Variants in CNTN5 observed in about 807,000 individuals in gnomAD.
The protein encoded by CNTN5 is contactin-5.
A neutral mutation model predicts 129.1 loss-of-function variants in CNTN5; 77 were observed. The ratio of observed to expected loss-of-function variants is 0.60; its 90% CI spans 0.50 to 0.72. The LOEUF (loss-of-function observed/expected upper bound fraction) is 0.72, where lower values mean the gene tolerates loss of function less well. Among genes scored for constraint, CNTN5 ranks in the 30% least tolerant of loss-of-function variants. CNTN5 has a pLI of 0.00. For synonymous variants in CNTN5, 509 were observed against 465.6 expected, an observed-to-expected ratio of 1.09 and a Z score of -1.20; for missense variants, 1,478 against 1,328.8, an observed-to-expected ratio of 1.11 and a Z score of -1.75.
At position 99,582,773 on chromosome 11, in the gene CNTN5, C is replaced by T. The variant is rs532083900; in HGVS notation, c.55+26504C>T. ...ACTTCTTTGCCATTGGTTCAGACTT[C>T]CTCCTTTAGCTCAGAGTAGTTTGAT... On this transcript the variant is annotated intron_variant, in intron 3 of 24. Coordinates refer to ENST00000524871, the MANE Select transcript of CNTN5 (RefSeq NM_014361.4). Among the ~76,000 whole-genome samples, 4 of 152,272 alleles carry T rather than the reference C, an allele frequency of 2.6e-5. No homozygotes were observed. The East Asian group carries it at 7.7e-4, about 29-fold the overall frequency.
rs148769081 is a variant in CNTN5 at position 99,724,157 on chromosome 11, T to C, written c.56-95387T>C. Among the ~76,000 whole-genome samples the C allele has an allele frequency of 2.6e-5, 4 of 152,254 alleles. No homozygotes were observed. In the East Asian group the frequency reaches 7.8e-4, roughly 30 times the overall value. On this transcript the variant is annotated intron_variant, in intron 3 of 24. Transcript: ENST00000524871. ...TTCATGTGAACAGGCTCCTCTTCAGTGCCTGGAGCATGTTCCGTCTTATGC... is the reference window on the plus strand; with the variant it reads ...TTCATGTGAACAGGCTCCTCTTCAGCGCCTGGAGCATGTTCCGTCTTATGC...
chr11:99,939,115 C>G (rs1173555373), intron 7 of CNTN5, among the ~76,000 whole-genome samples: 1 of 151,972 alleles, frequency 6.6e-6, no homozygotes, highest in Non-Finnish European at 1.5e-5. Flanking sequence ...AAGATGAACT[C>G]ATAAGTCAAC....
intron 3 of CNTN5, among the ~76,000 whole-genome samples, chr11:99,608,587 A>G (rs1275119944): frequency 6.6e-6 from 1 of 152,188 alleles, no homozygotes; most frequent in African/African-American, 2.4e-5. Flanking sequence ...AGTGAAGATG[A>G]TATGAAGAGA....
intron 7 of CNTN5, among the ~76,000 whole-genome samples, chr11:99,924,027 T>G (rs1950002616): frequency 6.6e-6 from 1 of 152,156 alleles, no homozygotes; most frequent in Non-Finnish European, 1.5e-5. Context: ...CCTGACCTCA[T>G]GGTCCGCCGG....
intron 1 of CNTN5, among the ~76,000 whole-genome samples, chr11:99,265,949 A>G (rs1419802579): frequency 1.3e-5 from 2 of 152,116 alleles, no homozygotes; most frequent in Non-Finnish European, 2.9e-5. Flanking sequence ...AATGATAGAA[A>G]CAGATACATA....
chr11:99,201,487 A>G (rs962207389), intron 1 of CNTN5, among the ~76,000 whole-genome samples: 1 of 142,188 alleles, frequency 7.0e-6, no homozygotes, highest in African/African-American at 2.6e-5. Flanking sequence ...TTCTATTGTG[A>G]TAGGCAGAAC....
chr11:99,910,196 A>G (rs963390835), intron 6 of CNTN5, among the ~76,000 whole-genome samples: 7 of 152,062 alleles, frequency 4.6e-5, no homozygotes, highest in Middle Eastern at 3.2e-3. Context: ...TCATAAATGG[A>G]CATAATAAGC....
intron 2 of CNTN5, among the ~76,000 whole-genome samples, chr11:99,537,318 C>T (rs961724337): frequency 2.0e-5 from 3 of 152,084 alleles, no homozygotes; most frequent in East Asian, 1.9e-4. Flanking sequence ...GCAAATAAAT[C>T]GTCTTAATGA....
chr11:100,191,283 G>A (rs1281508594), intron 14 of CNTN5, 30 bp downstream of exon 14: 3 of 1,593,134 alleles, frequency 1.9e-6, no homozygotes, highest in Middle Eastern at 1.7e-4. Flanking sequence ...TGTTTTACAA[G>A]CATAGTCTCA....
intron 6 of CNTN5, among the ~76,000 whole-genome samples, chr11:99,880,779 T>C (rs1464222634): frequency 6.6e-6 from 1 of 152,204 alleles, no homozygotes; most frequent in African/African-American, 2.4e-5. Context: ...AACAGTAGGG[T>C]AATAGAATTG....
chr11:99,555,282 C>A (rs758405508), intron 2 of CNTN5, among the ~76,000 whole-genome samples: 2 of 151,994 alleles, frequency 1.3e-5, no homozygotes, highest in Non-Finnish European at 2.9e-5. Context: ...ACATACTTTA[C>A]AATTATTTCT....
intron 1 of CNTN5, among the ~76,000 whole-genome samples, chr11:99,090,513 T>C (rs1381159456): frequency 1.3e-5 from 2 of 151,964 alleles, no homozygotes; most frequent in Non-Finnish European, 2.9e-5. Flanking sequence ...GCTTATCAGA[T>C]CATGTGATAA....
At chr11:99,661,365 C>A (rs965714706) in intron 3 of CNTN5, among the ~76,000 whole-genome samples, 5 of 152,086 alleles carry the variant, frequency 3.3e-5, no homozygotes, top group Non-Finnish European at 5.9e-5. Context: ...TACAGAGGGA[C>A]CTTGTTAATT....
intron 1 of CNTN5, among the ~76,000 whole-genome samples, chr11:99,204,942 A>T (rs896513370): frequency 2.0e-5 from 3 of 152,198 alleles, no homozygotes; most frequent in Non-Finnish European, 4.4e-5. Flanking sequence ...GAAAATATTG[A>T]TCCGAGTGTT....
intron 6 of CNTN5, among the ~76,000 whole-genome samples, chr11:99,851,862 C>CT (rs772098211): frequency 7.2e-5 from 11 of 152,082 alleles, no homozygotes; most frequent in Non-Finnish European, 1.6e-4. Context: ...ACTTCTCTGG[C>CT]TTTTTTCATA....
intron 8 of CNTN5, among the ~76,000 whole-genome samples, chr11:99,971,277 G>A (rs1951243181): frequency 6.6e-6 from 1 of 152,102 alleles, no homozygotes; most frequent in South Asian, 2.1e-4. Flanking sequence ...GGGCATGGTG[G>A]TTCACGCCTG....
At chr11:99,122,979 T>C (rs1192897207) in intron 1 of CNTN5, among the ~76,000 whole-genome samples, 1 of 152,190 alleles carries the variant, frequency 6.6e-6, no homozygotes, top group Non-Finnish European at 1.5e-5. Flanking sequence ...TTGTCTTTGC[T>C]GTCTTGAATA....
At chr11:100,236,764 G>T (rs935354565) in intron 16 of CNTN5, among the ~76,000 whole-genome samples, 5 of 152,044 alleles carry the variant, frequency 3.3e-5, no homozygotes, top group Admixed American at 2.6e-4. Context: ...CTTTCAGAAG[G>T]CCTGCTCCTT....
At chr11:99,315,741 CGGAGTG>C (rs1436567233) in intron 1 of CNTN5, among the ~76,000 whole-genome samples, 1 of 148,568 alleles carries the variant, frequency 6.7e-6, no homozygotes, top group Non-Finnish European at 1.5e-5. Context: ...ATGTAAATCG[CGGAGTG>C]GGCCATGGAT....
Sources: allele counts gnomAD v4.1 joint callset (sites outside exome capture counted in the v4.1 genomes callset), GRCh38; gene constraint gnomAD v4.1.1; transcripts MANE v1.5; gene names NCBI Gene and HGNC (gene_info 2026-07-23, HGNC 2026-07-21).